The following FSIP2 variants were observed in gnomAD, a reference collection of about 807,000 sequenced individuals.
FSIP2 encodes fibrous sheath interacting protein 2.
FSIP2 carries 367 observed loss-of-function variants against 510.5 expected under a neutral mutation model. The ratio of observed to expected loss-of-function variants is 0.72; its 90% confidence interval spans 0.66 to 0.78. The LOEUF (loss-of-function observed/expected upper bound fraction) is 0.78, where lower values mean the gene tolerates loss of function less well. Among genes scored for constraint, FSIP2 ranks in the 30% least tolerant of loss-of-function variants. The pLI is 0.00. For missense variants in FSIP2, 7,594 were observed against 7,901.7 expected, an observed-to-expected ratio of 0.96 and a Z score of 1.48; for synonymous variants, 2,601 against 2,732.2, an observed-to-expected ratio of 0.95 and a Z score of 1.50.
chr2:185,737,177 T>A (rs1229089679), upstream of FSIP2, among the ~76,000 whole-genome samples: 4 of 152,246 alleles, frequency 2.6e-5, no homozygotes, highest in East Asian at 7.7e-4. Context: ...CACTGGTTTC[T>A]GCCCAGTGAG....
intron 1 of FSIP2, 143 bp downstream of exon 1, chr2:185,739,136 G>C: frequency 8.2e-7 from 1 of 1,225,654 alleles, no homozygotes; most frequent in Non-Finnish European, 1.1e-6. Context: ...CCCGGGGGCG[G>C]TGGCGGTGGC....
Position 185,807,606 on chromosome 2 carries a change from G to T in FSIP2, c.18300G>T (p.Glu6100Asp), listed in dbSNP as rs1693617055. The T allele has an allele frequency of 6.2e-7, 1 of 1,612,820 alleles. No homozygotes were observed. The highest frequency in any genetic ancestry group is 1.1e-5 in the South Asian group (1 of 91,024). Residue 6100 changes from glutamate (E) to aspartate (D), a missense_variant, in exon 17 of 23, where the codon GAG (glutamate) becomes GAT (aspartate). Physicochemically the swap from Glu to Asp is conservative, Grantham distance 45. Coordinates refer to ENST00000424728, the MANE Select transcript of FSIP2 (RefSeq NM_173651.4). ...TCTTGCCACAGTTTGGATCACAAGA[G>T]ATTATACAAAATTGTGTAACCAGTG... The part of the protein sequence containing the change: ...NNLLPQFGSQ[E>D]IIQNCVTSGC...
chr2:185,791,125 A>G lies in FSIP2; in HGVS notation c.3989A>G (p.Asp1330Gly). The G allele has an allele frequency of 6.5e-7, 1 of 1,531,644 alleles. No homozygotes were observed. The highest frequency in any genetic ancestry group is 8.7e-7 in the Non-Finnish European group (1 of 1,143,750). The allele number at this position is 1,531,644 out of a possible 1,614,324, so 94.9% of individuals were successfully genotyped here. ...REIDHTKSLT[D>G]KGFFANTDKK... Reference sequence around the variant, plus strand: ...ATTGACCATACCAAATCCCTTACAGATAAAGGATTTTTTGCTAATACTGAT... The same window carrying G: ...ATTGACCATACCAAATCCCTTACAGGTAAAGGATTTTTTGCTAATACTGAT... Residue 1330 changes from aspartate to glycine, a missense_variant, in exon 16 of 23, where the codon GAT becomes GGT. Physicochemically the swap from Asp to Gly is moderately conservative, Grantham distance 94. Transcript: ENST00000424728.
In FSIP2 at chr2:185,813,898, T is replaced by G; in HGVS notation, c.20181T>G (p.Ile6727Met). The change falls in exon 18 of 23, where the codon ATT becomes ATG. Residue 6727 changes from isoleucine (I) to methionine (M), a missense_variant. Coordinates refer to ENST00000424728, the MANE Select transcript of FSIP2 (RefSeq NM_173651.4). The stretch of plus-strand genomic sequence containing the variant: ...GTCAGACCACAGCCAGTGCAAATAT[T>G]GAAAGTACTGAAGCAATCTCAAATC... ...KCCQTTASAN[I>M]ESTEAISNQV... 1 of 1,613,700 alleles carries G rather than the reference T, an allele frequency of 6.2e-7. No homozygotes were observed. Among genetic ancestry groups the G allele is most frequent in the South Asian group, 1.1e-5 (1 of 91,074 alleles).
In FSIP2 at chr2:185,789,487, T is replaced by A. The variant is rs1165754895; in HGVS notation, c.2351T>A (p.Val784Asp). The change falls in exon 16 of 23, where the codon GTC (valine) becomes GAC (aspartate). Residue 784 changes from valine (V) to aspartate (D), a missense_variant. Transcript: ENST00000424728. The part of the protein sequence containing the change: ...CVEMFSQDLS[V>D]DIKPSLAASD... ...GAGATGTTTTCACAAGATTTGTCAG[T>A]CGACATTAAACCAAGTTTAGCAGCC... 6.5e-7 allele frequency: 1 copy of A among 1,534,514 alleles called. No homozygotes were observed. The highest frequency in any genetic ancestry group is 1.4e-5 in the African/African-American group (1 of 72,948).
intron 4 of FSIP2, chr2:185,744,978 GGTGT>G (rs35545095): frequency 2.8e-4 from 35 of 125,820 alleles, no homozygotes; most frequent in Middle Eastern, 4.2e-3. Flanking sequence ...GTGTGTGTGG[GGTGT>G]GTGTGTGTGT....
chr2:185,825,702 G>A (rs934476744), intron 20 of FSIP2, among the ~76,000 whole-genome samples: 1 of 151,758 alleles, frequency 6.6e-6, no homozygotes, highest in Non-Finnish European at 1.5e-5. Context: ...TATCACAGGT[G>A]TTCAACTGAA....
chr2:185,796,168 T>C lies in FSIP2; in HGVS notation c.9032T>C (p.Ile3011Thr). 3.9e-6 allele frequency: 6 copies of C among 1,533,330 alleles called. No homozygotes were observed. Among genetic ancestry groups the C allele is most frequent in the Non-Finnish European group, 5.2e-6 (6 of 1,145,206 alleles). The allele number at this position is 1,533,330 out of a possible 1,614,324, so 95.0% of individuals were successfully genotyped here. A position where few individuals can be genotyped will look rare whatever the true frequency, so the allele number is the denominator to read the frequency against. Reference sequence around the variant, plus strand: ...TTTGTGGACTTGCAGTTTAAACATATCTCCAAATATGAGTTTTCTGAAATT... The same window carrying C: ...TTTGTGGACTTGCAGTTTAAACATACCTCCAAATATGAGTTTTCTGAAATT... Reference protein sequence around the residue: ...ESFVDLQFKHISKYEFSEIVK... With the variant: ...ESFVDLQFKHTSKYEFSEIVK... The change falls in exon 16 of 23, where the codon ATC (isoleucine) becomes ACC (threonine). Residue 3011 changes from isoleucine (I) to threonine (T), a missense_variant. Transcript: ENST00000424728.
chr2:185,831,295 A>G (rs1401663610), intron 21 of FSIP2, among the ~76,000 whole-genome samples: 1 of 151,866 alleles, frequency 6.6e-6, no homozygotes, highest in African/African-American at 2.4e-5. Flanking sequence ...CTTGCATTCA[A>G]AATTGATAAG....
At chr2:185,745,396 T>C (rs1449827620) in intron 4 of FSIP2, 33 bp from the exon 5 acceptor site, 1 of 1,308,238 alleles carries the variant, frequency 7.6e-7, no homozygotes. Flanking sequence ...TAAAAAGCAT[T>C]ATATATATGT....
At position 185,792,994 on chromosome 2, in the gene FSIP2, C is replaced by A; in HGVS notation, c.5858C>A (p.Pro1953His). The A allele has an allele frequency of 6.5e-7, 1 of 1,534,430 alleles. No homozygotes were observed. Among genetic ancestry groups the A allele is most frequent in the Non-Finnish European group, 8.7e-7 (1 of 1,145,680 alleles). ...AACTTTACAGTTCCAGTGGCTTTAC[C>A]TATTCAGCAAGATCACAGTACATTG... ...QVNFTVPVAL[P>H]IQQDHSTLSK... is the part of the protein sequence containing the mutation. Residue 1953 changes from proline (P) to histidine (H), a missense_variant, in exon 16 of 23, where the codon CCT (proline) becomes CAT (histidine). Pro to His is a moderately conservative substitution (Grantham distance 77). Transcript: ENST00000424728.
chr2:185,804,281 T>C lies in FSIP2; in HGVS notation c.14975T>C (p.Ile4992Thr), dbSNP rs995630765. Reference sequence around the variant, plus strand: ...ATTGTTACAACATTGGTAAATTCAATTGTTCTGGAGTTCACCACATCAGAG... The same window carrying C: ...ATTGTTACAACATTGGTAAATTCAACTGTTCTGGAGTTCACCACATCAGAG... ...TRIVTTLVNS[I>T]VLEFTTSEIL... is the part of the protein sequence containing the mutation. Residue 4992 changes from isoleucine (I) to threonine (T), a missense_variant, in exon 17 of 23, where the codon ATT (isoleucine) becomes ACT (threonine). Physicochemically the swap from Ile to Thr is moderately conservative, Grantham distance 89. Coordinates refer to ENST00000424728, the MANE Select transcript of FSIP2 (RefSeq NM_173651.4). The C allele has an allele frequency of 1.5e-5, 23 of 1,528,326 alleles. No individual in the cohort carries two copies. Among genetic ancestry groups the C allele is most frequent in the Non-Finnish European group, 2.0e-5 (23 of 1,143,214 alleles). The allele number at this position is 1,528,326 out of a possible 1,614,324, so 94.7% of individuals were successfully genotyped here.
rs778559407 is a variant in FSIP2 at position 185,831,860 on chromosome 2, TC to T, written c.20568del (p.Ser6857GlnfsTer21). On this transcript the variant is annotated frameshift_variant, in exon 22 of 23. Coordinates refer to ENST00000424728, the MANE Select transcript of FSIP2 (RefSeq NM_173651.4). LOFTEE classifies it low-confidence loss of function (END_TRUNC). ...RSKDVLGSAN[P>X]SKEVISETPK... The stretch of plus-strand genomic sequence containing the variant: ...CCAAGGATGTTCTTGGCAGTGCAAA[TC>T]CCTCAAAGGAAGTCATTTCAGGTAC... 9 of 1,606,016 alleles carry T rather than the reference TC, an allele frequency of 5.6e-6. No homozygotes were observed. The highest frequency in any genetic ancestry group is 7.7e-6 in the Non-Finnish European group (9 of 1,173,668).
At chr2:185,820,767 CA>C (rs1331592082) in intron 19 of FSIP2, among the ~76,000 whole-genome samples, 1 of 150,876 alleles carries the variant, frequency 6.6e-6, no homozygotes, top group Non-Finnish European at 1.5e-5. Flanking sequence ...GGGAACTTAC[CA>C]AACTTCCCAA....
chr2:185,825,564 C>A (rs1693999764), intron 20 of FSIP2, among the ~76,000 whole-genome samples: 1 of 151,812 alleles, frequency 6.6e-6, no homozygotes, highest in South Asian at 2.1e-4. Context: ...CACATGTACC[C>A]TGTGACTCTA....
intron 13 of FSIP2, among the ~76,000 whole-genome samples, chr2:185,769,653 T>C (rs1235463525): frequency 6.6e-6 from 1 of 152,212 alleles, no homozygotes; most frequent in Non-Finnish European, 1.5e-5. Flanking sequence ...ATTTTTGCCT[T>C]TGTTGCAATT....
At position 185,803,404 on chromosome 2, in the gene FSIP2, A is replaced by G. The variant is rs1693486796; in HGVS notation, c.14098A>G (p.Met4700Val). The G allele has an allele frequency of 6.5e-7, 1 of 1,533,078 alleles. No homozygotes were observed. The highest frequency in any genetic ancestry group is 2.5e-5 in the East Asian group (1 of 40,808). The allele number at this position is 1,533,078 out of a possible 1,614,324, so 95.0% of individuals were successfully genotyped here. A position where few individuals can be genotyped will look rare whatever the true frequency, so the allele number is the denominator to read the frequency against. ...ERDVVKTIVD[M>V]VYSKVLQEYE... Reference sequence around the variant, plus strand: ...GGATGTAGTCAAAACAATTGTTGACATGGTGTACAGCAAAGTTTTGCAAGA... The same window carrying G: ...GGATGTAGTCAAAACAATTGTTGACGTGGTGTACAGCAAAGTTTTGCAAGA... Residue 4700 changes from methionine to valine, a missense_variant, in exon 17 of 23, where the codon ATG (methionine) becomes GTG (valine). Physicochemically the swap from Met to Val is conservative, Grantham distance 21. Coordinates refer to ENST00000424728, the MANE Select transcript of FSIP2 (RefSeq NM_173651.4).
In FSIP2 at chr2:185,792,641, G is replaced by A. The variant is rs752098283; in HGVS notation, c.5505G>A (p.Ser1835=). 1.2e-4 allele frequency: 177 copies of A among 1,533,920 alleles called. No individual in the cohort carries two copies. In the Middle Eastern group the frequency reaches 1.2e-3, roughly 10 times the overall value. The part of the protein sequence containing the change: ...FMDKMMDPLL[S]EADITIVTDN... Reference sequence around the variant, plus strand: ...ATAAAATGATGGATCCTTTACTTTCGGAAGCAGATATAACCATAGTAACAG... The same window carrying A: ...ATAAAATGATGGATCCTTTACTTTCAGAAGCAGATATAACCATAGTAACAG... The change falls in exon 16 of 23, where the codon TCG becomes TCA. Residue 1835 remains serine, a synonymous_variant. Coordinates refer to ENST00000424728, the MANE Select transcript of FSIP2 (RefSeq NM_173651.4).
intron 13 of FSIP2, among the ~76,000 whole-genome samples, chr2:185,779,002 TAA>T (rs879711381): frequency 7.2e-5 from 11 of 152,022 alleles, no homozygotes; most frequent in Admixed American, 2.6e-4. Flanking sequence ...ACCTTTACCA[TAA>T]GTTATGTTTT....
Sources: allele counts gnomAD v4.1 joint callset (sites outside exome capture counted in the v4.1 genomes callset), GRCh38; gene constraint gnomAD v4.1.1; transcripts MANE v1.5; gene names NCBI Gene and HGNC (gene_info 2026-07-23, HGNC 2026-07-21).